PRR12: variants seen among roughly 807,000 people sequenced by gnomAD.
PRR12 encodes the protein proline rich 12.
Under a neutral mutation model 138.0 loss-of-function variants are expected in PRR12, and 12 were observed. That is an observed-to-expected ratio of 0.09 (90% CI 0.06 to 0.14). The LOEUF (loss-of-function observed/expected upper bound fraction) is 0.14, where lower values mean the gene tolerates loss of function less well. Among genes scored for constraint, PRR12 ranks in the 10% least tolerant of loss-of-function variants. PRR12 has a pLI of 1.00. For synonymous variants in PRR12, 1,567 were observed against 1,291.7 expected, an observed-to-expected ratio of 1.21 and a Z score of -4.57; for missense variants, 2,692 against 2,861.3, an observed-to-expected ratio of 0.94 and a Z score of 1.35.
In PRR12 at chr19:49,625,135, T is replaced by A. The variant is rs779872240; in HGVS notation, c.5899T>A (p.Tyr1967Asn). The A allele has an allele frequency of 6.2e-7, 1 of 1,613,680 alleles. No homozygotes were observed. Among genetic ancestry groups the A allele is most frequent in the East Asian group, 2.2e-5 (1 of 44,868 alleles). Residue 1967 changes from tyrosine to asparagine, a missense_variant, in exon 13 of 14, where the codon TAC becomes AAC. Around this residue, in one of 11 missense-constraint regions of PRR12, gnomAD observed 116 missense variants for 243.4 expected, o/e 0.48. Transcript: ENST00000418929. The surrounding 1 kb of genome is among the most constrained non-coding windows in gnomAD (Gnocchi z 5.5). The stretch of plus-strand genomic sequence containing the variant: ...CAAGGTTGAGCTGGAAAAGTCGGGA[T>A]ACTATACACTCTACCATTCGCTCCA... ...EFKVELEKSGYYTLYHSLHHY... is the reference protein window; with the variant it reads ...EFKVELEKSGNYTLYHSLHHY...
At position 49,596,877 on chromosome 19, in the gene PRR12, C is replaced by A; in HGVS notation, c.2542C>A (p.Leu848Met). The part of the protein sequence containing the change: ...PPPPPPPPMP[L>M]QLEAHLRSHG... ...ACCCCCGCCTCCACCACCCATGCCC[C>A]TGCAGCTCGAGGCCCACCTCCGCAG... is the stretch of plus-strand genomic sequence containing the variant. The change falls in exon 4 of 14, where the codon CTG becomes ATG. Residue 848 changes from leucine (L) to methionine (M), a missense_variant. Transcript: ENST00000418929. The surrounding 1 kb of genome is among the most constrained non-coding windows in gnomAD (Gnocchi z 5.6). 1 of 1,565,452 alleles carries A rather than the reference C, an allele frequency of 6.4e-7. No individual in the cohort carries two copies. Among genetic ancestry groups the A allele is most frequent in the Non-Finnish European group, 8.6e-7 (1 of 1,163,412 alleles).
At position 49,601,750 on chromosome 19, in the gene PRR12, C is replaced by G. The variant is rs755194595; in HGVS notation, c.4605C>G (p.Pro1535=). Residue 1535 remains proline (P), a synonymous_variant, in exon 6 of 14, where the codon CCC becomes CCG. Transcript: ENST00000418929. Reference sequence around the variant, plus strand: ...CTGAGGAGCCCGCCGCCCCGTCTCCCGAAGACCCCGAGCTGCCGGACACCC... The same window carrying G: ...CTGAGGAGCCCGCCGCCCCGTCTCCGGAAGACCCCGAGCTGCCGGACACCC... ...APPEEPAAPS[P]EDPELPDTRP... is the part of the protein sequence containing the mutation. The G allele has an allele frequency of 2.6e-6, 4 of 1,568,264 alleles. No individual in the cohort carries two copies. Among genetic ancestry groups the G allele is most frequent in the Non-Finnish European group, 3.4e-6 (4 of 1,159,588 alleles).
At chr19:49,604,418 C>T (rs997950086) in intron 6 of PRR12, among the ~76,000 whole-genome samples, 8 of 151,870 alleles carry the variant, frequency 5.3e-5, no homozygotes, top group African/African-American at 1.9e-4. Context: ...TAGCTCACAC[C>T]TGTAATTGCA....
Position 49,597,793 on chromosome 19 carries a change from G to A in PRR12, c.3458G>A (p.Arg1153Gln), listed in dbSNP as rs2080784666. The A allele has an allele frequency of 3.2e-6, 5 of 1,577,888 alleles. No homozygotes were observed. Among genetic ancestry groups the A allele is most frequent in the African/African-American group, 2.7e-5 (2 of 73,766 alleles). The change falls in exon 4 of 14, where the codon CGG (arginine) becomes CAG (glutamine). Residue 1153 changes from arginine (R) to glutamine (Q), a missense_variant. By Grantham distance (43) the Arg-to-Gln change is conservative. This residue lies in a region of PRR12 where 326 missense variants were observed against 344.2 expected (regional missense o/e 0.95). Transcript: ENST00000418929. This position sits in a 1 kb window ranked among gnomAD's most constrained non-coding sequence, Gnocchi z 6.3. ...CPPNPGPDGP[R>Q]RRGRKPTKAK... ...CCCAACCCAGGACCCGATGGCCCCC[G>A]GCGCCGTGGCCGCAAGCCCACGAAG...
In PRR12 at chr19:49,595,548, A is replaced by G; in HGVS notation, c.1213A>G (p.Arg405Gly). The G allele has an allele frequency of 1.3e-6, 2 of 1,582,808 alleles. No individual in the cohort carries two copies. The highest frequency in any genetic ancestry group is 1.8e-5 in the Admixed American group (1 of 56,242). ...GYGAAAGGAT[R>G]PPPPRSTATP... ...TGGAGCAGCTGCCGGGGGTGCCACC[A>G]GGCCCCCCCCACCCCGTTCGACCGC... Residue 405 changes from arginine to glycine, a missense_variant, in exon 4 of 14, where the codon AGG (arginine) becomes GGG (glycine). Around this residue, in one of 11 missense-constraint regions of PRR12, gnomAD observed 523 missense variants for 496.4 expected, o/e 1.05. Coordinates refer to ENST00000418929, the MANE Select transcript of PRR12 (RefSeq NM_020719.3).
Position 49,620,499 on chromosome 19 carries a change from A to AG in PRR12, c.5623+32dup, listed in dbSNP as rs372317811. On this transcript the variant is annotated intron_variant, in intron 10 of 13. Transcript: ENST00000418929. The stretch of plus-strand genomic sequence containing the variant: ...CATGGTGAGCTGAGGCCTGGGGAGG[A>AG]GGGGGGGGGGCTGACTCGGTCTGAG... 2,330 of 1,166,586 alleles carry AG rather than the reference A, an allele frequency of 2.0e-3. 1 individual carries two copies. Among genetic ancestry groups the AG allele is most frequent in the Admixed American group, 3.7e-3 (142 of 38,752 alleles). The allele number at this position is 1,166,586 out of a possible 1,614,324, so 72.3% of individuals were successfully genotyped here. A position where few individuals can be genotyped will look rare whatever the true frequency, so the allele number is the denominator to read the frequency against.
intron 4 of PRR12, among the ~76,000 whole-genome samples, chr19:49,598,982 C>T (rs1475623808): frequency 6.6e-6 from 1 of 152,110 alleles, no homozygotes; most frequent in East Asian, 1.9e-4. Context: ...GTTTCTATAT[C>T]CCAAAGGATG....
At chr19:49,604,070 C>T (rs866310741) in intron 6 of PRR12, among the ~76,000 whole-genome samples, 9 of 152,076 alleles carry the variant, frequency 5.9e-5, no homozygotes, top group Non-Finnish European at 1.0e-4. Context: ...CCACCCATCT[C>T]GGCCTCCCAA....
At position 49,615,116 on chromosome 19, in the gene PRR12, A is replaced by G. The variant is rs1042941056; in HGVS notation, c.5024+107A>G. ...GAGAGTGGGGGGTGGGGACAGAGAG[A>G]GGAGACAGAGCCCAGAGAGAGAGGG... is the stretch of plus-strand genomic sequence containing the variant. On this transcript the variant is annotated intron_variant, in intron 8 of 13. Coordinates refer to ENST00000418929, the MANE Select transcript of PRR12 (RefSeq NM_020719.3). 3.4e-6 allele frequency: 5 copies of G among 1,485,208 alleles called. No individual in the cohort carries two copies. The African/African-American group carries it at 5.6e-5, about 17-fold the overall frequency. The allele number at this position is 1,485,208 out of a possible 1,614,324, so 92.0% of individuals were successfully genotyped here.
Position 49,621,699 on chromosome 19 carries a change from TGGC to T in PRR12, c.5721+80_5721+82del, listed in dbSNP as rs900302564. 4.2e-6 allele frequency: 5 copies of T among 1,191,370 alleles called. No homozygotes were observed. In the African/African-American group the frequency reaches 6.1e-5, roughly 15 times the overall value. 73.8% of individuals were successfully genotyped at this position (1,191,370 alleles called of 1,614,324 possible). A position where few individuals can be genotyped will look rare whatever the true frequency, so the allele number is the denominator to read the frequency against. Reference sequence around the variant, plus strand: ...AAGACATGTACGTGTCGGCCGCTGTTGGCGGGGGTGATCCTTGGAAGGAGATCG... The same window carrying T: ...AAGACATGTACGTGTCGGCCGCTGTTGGGGGTGATCCTTGGAAGGAGATCG... On this transcript the variant is annotated intron_variant, in intron 11 of 13. Transcript: ENST00000418929.
Position 49,594,935 on chromosome 19 carries a change from C to T in PRR12, c.600C>T (p.Pro200=), listed in dbSNP as rs1041603824. 2 of 1,605,644 alleles carry T rather than the reference C, an allele frequency of 1.2e-6. No individual in the cohort carries two copies. The highest frequency in any genetic ancestry group is 2.7e-5 in the African/African-American group (2 of 74,722). ...AGCCCTCGCAGGCACCCACGGTGCC[C>T]TCTTCACTGGGCTTCGAGCGCCTGG... ...HLKPSQAPTV[P]SSLGFERLAG... The change falls in exon 4 of 14, where the codon CCC becomes CCT. Residue 200 remains proline (P), a synonymous_variant. Transcript: ENST00000418929. The surrounding 1 kb of genome is among the most constrained non-coding windows in gnomAD (Gnocchi z 5.6).
Position 49,626,131 on chromosome 19 carries a change from C to T in PRR12, c.*524C>T, listed in dbSNP as rs2122393411. ...ATTATTTTTAATCTTATTTATTGTACATACCTGGGGCAGGGGCTTGGGGAG... is the reference window on the plus strand; with the variant it reads ...ATTATTTTTAATCTTATTTATTGTATATACCTGGGGCAGGGGCTTGGGGAG... On this transcript the variant is annotated 3_prime_UTR_variant, in exon 14 of 14. Coordinates refer to ENST00000418929, the MANE Select transcript of PRR12 (RefSeq NM_020719.3). 1 of 152,132 alleles carries T rather than the reference C, an allele frequency of 6.6e-6. No homozygotes were observed. The highest frequency in any genetic ancestry group is 1.5e-5 in the Non-Finnish European group (1 of 67,980). 9.4% of individuals were successfully genotyped at this position (152,132 alleles called of 1,614,324 possible).
intron 6 of PRR12, among the ~76,000 whole-genome samples, chr19:49,611,206 C>G (rs1294699255): frequency 1.3e-5 from 2 of 152,028 alleles, no homozygotes; most frequent in Non-Finnish European, 2.9e-5. Context: ...ACCTGTAGTC[C>G]CAGCTACTTG....
chr19:49,611,556 T>C (rs903428423), intron 6 of PRR12, among the ~76,000 whole-genome samples: 3 of 150,830 alleles, frequency 2.0e-5, no homozygotes, highest in Non-Finnish European at 4.4e-5. Flanking sequence ...GACAATCACT[T>C]GAACCCAGGA....
chr19:49,609,201 G>A (rs192489130), intron 6 of PRR12, among the ~76,000 whole-genome samples: 4 of 152,238 alleles, frequency 2.6e-5, no homozygotes, highest in Non-Finnish European at 5.9e-5. Context: ...TATATTCCCA[G>A]CTACCCTAGA....
intron 11 of PRR12, 150 bp from the exon 12 acceptor site, chr19:49,624,694 C>A: frequency 8.3e-7 from 1 of 1,210,640 alleles, no homozygotes. Context: ...ACTGGTCAGG[C>A]CCAGCCTCCT....
chr19:49,606,782 G>A (rs1196342280), intron 6 of PRR12, among the ~76,000 whole-genome samples: 1 of 151,588 alleles, frequency 6.6e-6, no homozygotes, highest in Non-Finnish European at 1.5e-5. Flanking sequence ...GAGTAGCTGG[G>A]ATTACAGGCA....
Position 49,620,481 on chromosome 19 carries a change from A to G in PRR12, c.5623+4A>G. The G allele has an allele frequency of 6.5e-7, 1 of 1,527,376 alleles. No individual in the cohort carries two copies. Among genetic ancestry groups the G allele is most frequent in the Non-Finnish European group, 8.9e-7 (1 of 1,128,622 alleles). The allele number at this position is 1,527,376 out of a possible 1,614,324, so 94.6% of individuals were successfully genotyped here. A position where few individuals can be genotyped will look rare whatever the true frequency, so the allele number is the denominator to read the frequency against. ...CAGGCCCTGGAGGACACGCATGGTG[A>G]GCTGAGGCCTGGGGAGGAGGGGGGG... On this transcript the variant is annotated splice_donor_region_variant and intron_variant, in intron 10 of 13. Coordinates refer to ENST00000418929, the MANE Select transcript of PRR12 (RefSeq NM_020719.3).
chr19:49,612,036 T>C (rs1488795071), intron 6 of PRR12, among the ~76,000 whole-genome samples: 1 of 150,386 alleles, frequency 6.6e-6, no homozygotes, highest in Admixed American at 6.6e-5. Context: ...ATCGAGACCA[T>C]CCTGGCCAAC....
Sources: gnomAD v4.1 joint callset for allele counts (sites outside exome capture counted in the v4.1 genomes callset) on GRCh38, gnomAD v4.1.1 for gene constraint, gnomAD v4.1.1 regional missense constraint, Gnocchi (gnomAD v3.1) non-coding constraint, MANE v1.5 for transcripts, NCBI Gene and HGNC (gene_info 2026-07-23, HGNC 2026-07-21) for gene names.